The following ABCA12 variants were observed in gnomAD, a reference collection of about 807,000 sequenced individuals.
ABCA12 encodes ATP binding cassette subfamily A member 12, also known as glucosylceramide transporter ABCA12.
ABCA12 carries 156 observed loss-of-function variants against 293.5 expected under a neutral mutation model. The ratio of observed to expected loss-of-function variants is 0.53; its 90% CI spans 0.47 to 0.61. ABCA12 has a LOEUF of 0.61. ABCA12 is among the 20% of genes least tolerant of loss of function. ABCA12 has a pLI of 0.00. For missense variants in ABCA12, 2,797 were observed against 3,090.2 expected (o/e 0.91, Z 2.25); for synonymous variants, 1,063 against 1,108.0 (o/e 0.96, Z 0.81).
chr2:215,126,325 G>T (rs967265704), intron 1 of ABCA12, among the ~76,000 whole-genome samples: 1 of 152,060 alleles, frequency 6.6e-6, no homozygotes, highest in African/African-American at 2.4e-5. Context: ...GAATTAGGGG[G>T]TGGGGGTTCC....
Position 215,037,060 on chromosome 2 carries a change from A to G in ABCA12, c.878T>C (p.Leu293Pro), listed in dbSNP as rs777109238. ...FDVLRKANSV[L>P]LVVQKVYPRF... ...TGGATAAACCTTCTGCACAACCAGC[A>G]GCACACTAAGGAGTCAAAAAGCAAT... Residue 293 changes from leucine to proline, a missense_variant, in exon 8 of 53, where the codon CTG becomes CCG. Around this residue, in one of 3 missense-constraint regions of ABCA12, gnomAD observed 656 missense variants for 638.2 expected, o/e 1.03. Transcript: ENST00000272895. 1 of 1,613,762 alleles carries G rather than the reference A, an allele frequency of 6.2e-7. No homozygotes were observed. Among genetic ancestry groups the G allele is most frequent in the Non-Finnish European group, 8.5e-7 (1 of 1,179,650 alleles).
chr2:215,133,530 T>C (rs528334110), intron 1 of ABCA12, among the ~76,000 whole-genome samples: 1 of 152,066 alleles, frequency 6.6e-6, no homozygotes, highest in African/African-American at 2.4e-5. Context: ...GACTCTTCCC[T>C]GTCATTAACT....
At chr2:215,111,224 T>C (rs1312519430) in intron 2 of ABCA12, among the ~76,000 whole-genome samples, 1 of 152,224 alleles carries the variant, frequency 6.6e-6, no homozygotes, top group East Asian at 1.9e-4. Context: ...ATTTGTTCAG[T>C]TGATCAAATA....
At chr2:215,103,521 C>A (rs1381319400) in intron 2 of ABCA12, among the ~76,000 whole-genome samples, 4 of 152,152 alleles carry the variant, frequency 2.6e-5, no homozygotes, top group East Asian at 3.9e-4. Context: ...CCACCCAACT[C>A]AGCCTCCCAC....
intron 2 of ABCA12, among the ~76,000 whole-genome samples, chr2:215,093,996 A>G (rs1702200295): frequency 6.6e-6 from 1 of 152,202 alleles, no homozygotes; most frequent in Non-Finnish European, 1.5e-5. Flanking sequence ...AAGGCAGGCT[A>G]TGCTATAGTA....
intron 7 of ABCA12, among the ~76,000 whole-genome samples, chr2:215,039,709 C>G: frequency 6.6e-6 from 1 of 151,890 alleles, no homozygotes; most frequent in East Asian, 1.9e-4. Context: ...GAGCCCAGAT[C>G]CCGCCACTGC....
chr2:215,122,776 A>T (rs1702834648), intron 1 of ABCA12, among the ~76,000 whole-genome samples: 1 of 152,202 alleles, frequency 6.6e-6, no homozygotes, highest in African/African-American at 2.4e-5. Context: ...TGATGTGCCT[A>T]TTTAGGAACC....
At chr2:215,046,864 A>C (rs557026211) in intron 6 of ABCA12, among the ~76,000 whole-genome samples, 1 of 149,730 alleles carries the variant, frequency 6.7e-6, no homozygotes, top group African/African-American at 2.4e-5. Context: ...AAAATATGAC[A>C]CTATACACCA....
rs1700391280 is a variant in ABCA12, at chr2:215,012,126, G to A, written c.1966C>T (p.Pro656Ser). The change falls in exon 16 of 53, where the codon CCG becomes TCG. Residue 656 changes from proline (P) to serine (S), a missense_variant. Coordinates refer to ENST00000272895, the MANE Select transcript of ABCA12 (RefSeq NM_173076.3). ...TCTACTGGCTTTTGATCTTTCCTCG[G>A]GAAAAACACCTAACAGAAACAGAAT... The part of the protein sequence containing the change: ...IYNFTYKVFF[P>S]RKDQKPVEKM... The A allele has an allele frequency of 6.2e-7, 1 of 1,613,328 alleles. No homozygotes were observed. The highest frequency in any genetic ancestry group is 1.1e-5 in the South Asian group (1 of 91,056).
Position 214,932,461 on chromosome 2 carries a change from T to A in ABCA12, c.*173A>T. On this transcript the variant is annotated 3_prime_UTR_variant, in exon 53 of 53. Coordinates refer to ENST00000272895, the MANE Select transcript of ABCA12 (RefSeq NM_173076.3). ...CAGTAGCAACAACACTCACTGACCT[T>A]AGAAGGAAAAATTTCCTTTTATAAT... The A allele has an allele frequency of 1.6e-6, 1 of 631,438 alleles. No homozygotes were observed. Among genetic ancestry groups the A allele is most frequent in the African/African-American group, 1.8e-5 (1 of 54,758 alleles). The allele number at this position is 631,438 out of a possible 1,614,324, so 39.1% of individuals were successfully genotyped here. A position where few individuals can be genotyped will look rare whatever the true frequency, so the allele number is the denominator to read the frequency against.
rs1277038235 is a variant in ABCA12 at position 214,945,043 on chromosome 2, T to G, written c.7301A>C (p.Glu2434Ala). ...GACGGAACATTTGTTCTGTACTTCTTCTGAAATGATCTTCCAGAGGTGCCG... is the reference window on the plus strand; with the variant it reads ...GACGGAACATTTGTTCTGTACTTCTGCTGAAATGATCTTCCAGAGGTGCCG... ...SKRHLWKIIS[E>A]EVQNKCSVIL... Residue 2434 changes from glutamate to alanine, a missense_variant, in exon 49 of 53, where the codon GAA becomes GCA. Coordinates refer to ENST00000272895, the MANE Select transcript of ABCA12 (RefSeq NM_173076.3). The G allele has an allele frequency of 6.2e-7, 1 of 1,613,862 alleles. No individual in the cohort carries two copies. The highest frequency in any genetic ancestry group is 2.2e-5 in the East Asian group (1 of 44,862).
rs757602412 is a variant in ABCA12 at position 215,026,834 on chromosome 2, G to A, written c.1166C>T (p.Ala389Val). ...AACAGTATTACCTGGTGAACCTCTG[G>A]CCAAACTGTCAGTCACATTTCTCAC... The part of the protein sequence containing the change: ...ACVRNVTDSL[A>V]RGSPENLRLL... Residue 389 changes from alanine to valine, a missense_variant, in exon 10 of 53, where the codon GCC becomes GTC. Ala to Val is a moderately conservative substitution (Grantham distance 64). This residue lies in a region of ABCA12 where 656 missense variants were observed against 638.2 expected (regional missense o/e 1.03). Coordinates refer to ENST00000272895, the MANE Select transcript of ABCA12 (RefSeq NM_173076.3). 4 of 1,608,568 alleles carry A rather than the reference G, an allele frequency of 2.5e-6. No homozygotes were observed. The highest frequency in any genetic ancestry group is 4.5e-5 in the East Asian group (2 of 44,834).
At chr2:215,105,599 ACG>A (rs1553545666) in intron 2 of ABCA12, among the ~76,000 whole-genome samples, 484 of 135,262 alleles carry the variant, frequency 3.6e-3, no homozygotes, top group African/African-American at 0.015. Flanking sequence ...ACACACACAC[ACG>A]CACACACACA....
At chr2:215,127,218 G>A (rs1702946262) in intron 1 of ABCA12, among the ~76,000 whole-genome samples, 1 of 151,960 alleles carries the variant, frequency 6.6e-6, no homozygotes, top group African/African-American at 2.4e-5. Context: ...TTATCATATG[G>A]TCTATCTTGA....
chr2:215,072,546 C>G (rs1701757742), intron 2 of ABCA12, among the ~76,000 whole-genome samples: 1 of 152,102 alleles, frequency 6.6e-6, no homozygotes, highest in Non-Finnish European at 1.5e-5. Flanking sequence ...ACTCCATAAC[C>G]CCACCTTCCT....
Position 214,959,065 on chromosome 2 carries a change from A to AT in ABCA12, c.5897dup (p.Tyr1966Ter). ...YDAARHGIIM[Y>*]SHPYPGVQDQ... ...CTTGCACTCCTGGATAAGGATGGCT[A>AT]TACATGATGATGCCTTAAAGACGAA... Residue 1966 changes from tyrosine (Y) to a stop codon, truncating the protein, a stop_gained and frameshift_variant, in exon 40 of 53, where the codon TAT becomes TAAT. Coordinates refer to ENST00000272895, the MANE Select transcript of ABCA12 (RefSeq NM_173076.3). LOFTEE classifies it high-confidence loss of function. The AT allele has an allele frequency of 6.2e-7, 1 of 1,613,874 alleles. No homozygotes were observed. The highest frequency in any genetic ancestry group is 8.5e-7 in the Non-Finnish European group (1 of 1,179,754).
chr2:215,041,246 A>G (rs997945715), intron 7 of ABCA12, among the ~76,000 whole-genome samples: 56 of 152,310 alleles, frequency 3.7e-4, no homozygotes, highest in African/African-American at 1.3e-3. Context: ...TTGAAGATAA[A>G]AAATTTACCA....
At chr2:214,939,768 A>AT (rs1025438135) in intron 50 of ABCA12, among the ~76,000 whole-genome samples, 1 of 151,894 alleles carries the variant, frequency 6.6e-6, no homozygotes, top group African/African-American at 2.4e-5. Flanking sequence ...CTGTTTGTCT[A>AT]TTATTGGTGT....
intron 36 of ABCA12, among the ~76,000 whole-genome samples, chr2:214,971,123 CAGTG>C (rs1390578585): frequency 6.6e-6 from 1 of 152,054 alleles, no homozygotes; most frequent in African/African-American, 2.4e-5. Flanking sequence ...ACTTAATTTT[CAGTG>C]TAGCTTCTCA....
Sources: allele counts gnomAD v4.1 joint callset (sites outside exome capture counted in the v4.1 genomes callset), GRCh38; gene constraint gnomAD v4.1.1; regional missense constraint gnomAD v4.1.1; transcripts MANE v1.5; gene names NCBI Gene and HGNC (gene_info 2026-07-23, HGNC 2026-07-21).